The following SOBP variants were observed in gnomAD, a reference collection of about 807,000 sequenced individuals.
SOBP encodes the protein sine oculis binding protein homolog, also known as sine oculis-binding protein homolog.
SOBP carries 4 observed loss-of-function variants against 53.6 expected under a neutral mutation model. The observed-to-expected ratio is 0.07, with a 90% CI of 0.04 to 0.17. The LOEUF is 0.17. SOBP is among the 10% of genes least tolerant of loss of function. The probability of loss-of-function intolerance (pLI) is 1.00; values close to 1 mark genes in which losing one functional copy is unlikely to be tolerated. For synonymous variants in SOBP, 584 were observed against 522.6 expected (o/e 1.12, Z -1.60); for missense variants, 1,088 against 1,204.7 (o/e 0.90, Z 1.43).
chr6:107,540,271 C>A lies in SOBP; in HGVS notation c.573+6661C>A, dbSNP rs192898807. On this transcript the variant is annotated intron_variant, in intron 4 of 6. Coordinates refer to ENST00000317357, the MANE Select transcript of SOBP (RefSeq NM_018013.4). ...GATTATCTTAATTTCTCCTCCATTT[C>A]AATACCTCTGGATAGCTTATGTACA... is the stretch of plus-strand genomic sequence containing the variant. Among the ~76,000 whole-genome samples, 3 of 152,360 alleles carry A rather than the reference C, an allele frequency of 2.0e-5. No individual in the cohort carries two copies. The East Asian group carries it at 5.8e-4, about 29-fold the overall frequency.
At chr6:107,628,654 G>A (rs935132195) in intron 5 of SOBP, among the ~76,000 whole-genome samples, 2 of 152,160 alleles carry the variant, frequency 1.3e-5, no homozygotes, top group Admixed American at 1.3e-4. Context: ...AAGAAACTGA[G>A]GCTGAGATTT....
intron 6 of SOBP, among the ~76,000 whole-genome samples, chr6:107,656,333 AAGAAAGAAAG>A (rs1435336233): frequency 6.2e-4 from 3 of 4,860 alleles, no homozygotes; most frequent in Non-Finnish European, 7.9e-4. Context: ...GAAAGAAAGA[AAGAAAGAAAG>A]AGAAAGAAAG....
chr6:107,495,758 T>A (rs1344396927), intron 1 of SOBP, among the ~76,000 whole-genome samples: 1 of 152,184 alleles, frequency 6.6e-6, no homozygotes, highest in African/African-American at 2.4e-5. Context: ...TAGGAAAAGG[T>A]AGTCTCTTGT....
In SOBP at chr6:107,497,421, G is replaced by A. The variant is rs138637348; in HGVS notation, c.97-6236G>A. On this transcript the variant is annotated intron_variant, in intron 1 of 6. Coordinates refer to ENST00000317357, the MANE Select transcript of SOBP (RefSeq NM_018013.4). ...TGTAATTGTCTATGACTGAGACTAT[G>A]TGTTAATTTTTAATTAAAACTAGTT... Among the ~76,000 whole-genome samples the A allele has an allele frequency of 4.6e-5, 7 of 152,222 alleles. No individual in the cohort carries two copies. In the East Asian group the frequency reaches 1.2e-3, roughly 25 times the overall value.
In SOBP at chr6:107,599,403, T is replaced by C. The variant is rs557323974; in HGVS notation, c.669+12228T>C. Among the ~76,000 whole-genome samples the C allele has an allele frequency of 9.8e-5, 15 of 152,336 alleles. No homozygotes were observed. In the South Asian group the frequency reaches 3.1e-3, roughly 32 times the overall value. On this transcript the variant is annotated intron_variant, in intron 5 of 6. Coordinates refer to ENST00000317357, the MANE Select transcript of SOBP (RefSeq NM_018013.4). ...GTAGTCCGAATCCGTTTTTTAAAAA[T>C]GAACCATCTTATGATATACAGCTTT...
At chr6:107,491,291 G>A (rs943465157) in intron 1 of SOBP, among the ~76,000 whole-genome samples, 2 of 152,012 alleles carry the variant, frequency 1.3e-5, no homozygotes, top group Non-Finnish European at 2.9e-5. Context: ...GCCCCCGCCC[G>A]CACCTCACCA....
intron 3 of SOBP, among the ~76,000 whole-genome samples, chr6:107,521,893 AAG>A (rs1361803627): frequency 1.4e-5 from 2 of 146,350 alleles, no homozygotes; most frequent in African/African-American, 5.2e-5. Flanking sequence ...AGTCTGGTGG[AAG>A]AGACAGACAT....
At chr6:107,571,074 C>T (rs1785060602) in intron 4 of SOBP, among the ~76,000 whole-genome samples, 1 of 152,196 alleles carries the variant, frequency 6.6e-6, no homozygotes, top group Non-Finnish European at 1.5e-5. Context: ...TGAGGGTACA[C>T]TTGGAGTGTC....
At chr6:107,604,530 C>A (rs1786297701) in intron 5 of SOBP, among the ~76,000 whole-genome samples, 1 of 149,108 alleles carries the variant, frequency 6.7e-6, no homozygotes, top group African/African-American at 2.5e-5. Flanking sequence ...TCCCCCTACA[C>A]CCTCTATCCC....
chr6:107,575,060 G>A (rs1016046461), intron 4 of SOBP, among the ~76,000 whole-genome samples: 2 of 152,048 alleles, frequency 1.3e-5, no homozygotes, highest in African/African-American at 2.4e-5. Context: ...CGCACGAGCA[G>A]TGTGGCATGG....
chr6:107,561,202 T>C (rs1260761349), intron 4 of SOBP, among the ~76,000 whole-genome samples: 2 of 152,154 alleles, frequency 1.3e-5, no homozygotes, highest in African/African-American at 4.8e-5. Flanking sequence ...TCTTAATGTC[T>C]TGAGACATTT....
At chr6:107,569,300 G>A (rs1166526082) in intron 4 of SOBP, among the ~76,000 whole-genome samples, 1 of 152,156 alleles carries the variant, frequency 6.6e-6, no homozygotes, top group Non-Finnish European at 1.5e-5. Context: ...CCCTACCAAG[G>A]CAAATCTGAG....
At chr6:107,579,512 GGATGAACAT>G (rs1226352696) in intron 4 of SOBP, among the ~76,000 whole-genome samples, 2 of 152,190 alleles carry the variant, frequency 1.3e-5, no homozygotes, top group Non-Finnish European at 2.9e-5. Context: ...TAATGTGCTG[GGATGAACAT>G]GATATATTTT....
intron 4 of SOBP, among the ~76,000 whole-genome samples, chr6:107,542,338 C>T (rs151256352): frequency 6.6e-6 from 1 of 152,104 alleles, no homozygotes; most frequent in Non-Finnish European, 1.5e-5. Context: ...AAACAGAGGT[C>T]CTCAGGCAGG....
intron 5 of SOBP, among the ~76,000 whole-genome samples, chr6:107,614,694 TG>T (rs1786717450): frequency 6.6e-6 from 1 of 152,220 alleles, no homozygotes; most frequent in Non-Finnish European, 1.5e-5. Flanking sequence ...CTGCATGGAC[TG>T]GAAAGTGCAA....
chr6:107,566,542 TG>T (rs922436206), intron 4 of SOBP, among the ~76,000 whole-genome samples: 1 of 152,214 alleles, frequency 6.6e-6, no homozygotes, highest in Non-Finnish European at 1.5e-5. Context: ...AAGGCAGCTT[TG>T]GGCTTGGCTT....
chr6:107,563,965 A>G (rs1008823791), intron 4 of SOBP, among the ~76,000 whole-genome samples: 1 of 152,194 alleles, frequency 6.6e-6, no homozygotes, highest in Non-Finnish European at 1.5e-5. Flanking sequence ...AAAGGCAGGA[A>G]CTAGTATCCA....
chr6:107,610,181 G>A (rs1008659556), intron 5 of SOBP, among the ~76,000 whole-genome samples: 1 of 152,176 alleles, frequency 6.6e-6, no homozygotes. Flanking sequence ...GGAGCTGCGA[G>A]TAGAAGGGGA....
At chr6:107,571,019 A>G (rs1785059257) in intron 4 of SOBP, among the ~76,000 whole-genome samples, 1 of 152,200 alleles carries the variant, frequency 6.6e-6, no homozygotes, top group Non-Finnish European at 1.5e-5. Context: ...ACTTGCATCT[A>G]CCACACCTCT....
Sources: allele counts gnomAD v4.1 joint callset (sites outside exome capture counted in the v4.1 genomes callset), GRCh38; gene constraint gnomAD v4.1.1; transcripts MANE v1.5; gene names NCBI Gene and HGNC (gene_info 2026-07-23, HGNC 2026-07-21).